CCDC88C: variants seen among roughly 807,000 people sequenced by gnomAD.
CCDC88C encodes the protein protein Daple.
CCDC88C carries 131 observed loss-of-function variants against 198.8 expected under a neutral mutation model. The ratio of observed to expected loss-of-function variants is 0.66; its 90% CI spans 0.57 to 0.76. The LOEUF is 0.76. CCDC88C is among the 30% of genes least tolerant of loss of function. The pLI, the probability that CCDC88C is intolerant of heterozygous loss-of-function variation, is 0.00. For synonymous variants in CCDC88C, 1,166 were observed against 1,114.7 expected (o/e 1.05, Z -0.92); for missense variants, 2,553 against 2,631.6 (o/e 0.97, Z 0.65).
intron 6 of CCDC88C, among the ~76,000 whole-genome samples, chr14:91,340,863 G>A (rs1325706080): frequency 6.6e-6 from 1 of 152,052 alleles, no homozygotes; most frequent in Non-Finnish European, 1.5e-5. Context: ...TTAGCCGGGC[G>A]AGGTGGCATG....
chr14:91,326,821 T>C (rs1892603606), intron 10 of CCDC88C, among the ~76,000 whole-genome samples: 2 of 152,226 alleles, frequency 1.3e-5, no homozygotes, highest in South Asian at 4.1e-4. Flanking sequence ...TCTGAGTATC[T>C]TACAAACACT....
intron 10 of CCDC88C, among the ~76,000 whole-genome samples, chr14:91,330,883 G>A (rs1007544497): frequency 1.3e-5 from 2 of 152,120 alleles, no homozygotes; most frequent in Non-Finnish European, 2.9e-5. Flanking sequence ...CGGCAGGGCA[G>A]GTGAGCCATC....
intron 20 of CCDC88C, among the ~76,000 whole-genome samples, chr14:91,303,198 C>T (rs1356866276): frequency 2.0e-5 from 3 of 151,902 alleles, no homozygotes; most frequent in Admixed American, 6.6e-5. Flanking sequence ...CCCAGGGGCC[C>T]CACCTCCACC....
At chr14:91,289,377 C>T in intron 24 of CCDC88C, 34 bp from the exon 25 acceptor site, 3 of 1,575,488 alleles carry the variant, frequency 1.9e-6, no homozygotes, top group Non-Finnish European at 1.7e-6. Context: ...ACATAGCCAG[C>T]CCTCCCACAC....
chr14:91,273,780 C>T lies in CCDC88C; in HGVS notation c.5059-127G>A, dbSNP rs543258629. 10 of 748,586 alleles carry T rather than the reference C, an allele frequency of 1.3e-5. No homozygotes were observed. Among genetic ancestry groups the T allele is most frequent in the South Asian group, 9.6e-5 (2 of 20,874 alleles). The allele number at this position is 748,586 out of a possible 1,614,324, so 46.4% of individuals were successfully genotyped here. On this transcript the variant is annotated intron_variant, in intron 29 of 29. Transcript: ENST00000389857. The surrounding 1 kb of genome is among the most constrained non-coding windows in gnomAD (Gnocchi z 5.6). ...GACCGCAGTTCCTGCCTGCCTTCTC[C>T]GAGGCACATGTGCCGCCTCCACCAC... is the stretch of plus-strand genomic sequence containing the variant.
In CCDC88C at chr14:91,414,737, T is replaced by C. The variant is rs535397903; in HGVS notation, c.161+2001A>G. On this transcript the variant is annotated intron_variant, in intron 2 of 29. Transcript: ENST00000389857. ...CCATTCCTCTGTGCCCAACTCATCC[T>C]GAGGGACCCAGAAGCACTTCTTGAA... is the stretch of plus-strand genomic sequence containing the variant. 2.6e-5 allele frequency among the ~76,000 whole-genome samples: 4 copies of C among 152,322 alleles called. No homozygotes were observed. The South Asian group carries it at 8.3e-4, about 32-fold the overall frequency.
chr14:91,298,930 A>T (rs900460787), intron 21 of CCDC88C, among the ~76,000 whole-genome samples: 1 of 152,252 alleles, frequency 6.6e-6, no homozygotes, highest in Admixed American at 6.5e-5. Context: ...GGAACAAGTT[A>T]TTTAATCTCT....
rs370099935 is a variant in CCDC88C at position 91,303,720 on chromosome 14, G to A, written c.3616C>T (p.His1206Tyr). The A allele has an allele frequency of 1.3e-6, 2 of 1,598,092 alleles. No individual in the cohort carries two copies. Among genetic ancestry groups the A allele is most frequent in the Non-Finnish European group, 8.5e-7 (1 of 1,170,814 alleles). ...CCCTACCTCTCCCCGAGCTCCTTGT[G>A]CTCCAGCTCCAGATTCCGATGCAGT... The part of the protein sequence containing the change: ...KTLHRNLELE[H>Y]KELGERHGDM... The change falls in exon 20 of 30, where the codon CAC (histidine) becomes TAC (tyrosine). Residue 1206 changes from histidine (H) to tyrosine (Y), a missense_variant. Transcript: ENST00000389857.
At chr14:91,344,303 G>A (rs1313839048) in intron 4 of CCDC88C, among the ~76,000 whole-genome samples, 1 of 152,022 alleles carries the variant, frequency 6.6e-6, no homozygotes, top group Non-Finnish European at 1.5e-5. Context: ...CTGAGTCAAC[G>A]CTAAAATAAG....
chr14:91,311,189 G>A (rs1184369147), intron 15 of CCDC88C, among the ~76,000 whole-genome samples: 2 of 152,230 alleles, frequency 1.3e-5, no homozygotes, highest in Non-Finnish European at 2.9e-5. Context: ...CAAGAAGTAA[G>A]CCTTGGCTGT....
At chr14:91,323,049 G>C (rs573559241) in intron 12 of CCDC88C, among the ~76,000 whole-genome samples, 1 of 152,016 alleles carries the variant, frequency 6.6e-6, no homozygotes, top group Non-Finnish European at 1.5e-5. Flanking sequence ...GGGATTACAG[G>C]TGTGCACCAC....
At chr14:91,366,201 C>G (rs1567101311) in intron 3 of CCDC88C, among the ~76,000 whole-genome samples, 2 of 142,956 alleles carry the variant, frequency 1.4e-5, no homozygotes, top group African/African-American at 5.3e-5. Flanking sequence ...CACACACACA[C>G]AGGGCTGGGC....
intron 12 of CCDC88C, among the ~76,000 whole-genome samples, chr14:91,323,760 C>T (rs1892454780): frequency 6.6e-6 from 1 of 152,244 alleles, no homozygotes; most frequent in South Asian, 2.1e-4. Context: ...CTCTCTGCTC[C>T]ACCAGGGGGC....
At chr14:91,376,968 C>A (rs1398656959) in intron 3 of CCDC88C, among the ~76,000 whole-genome samples, 1 of 152,224 alleles carries the variant, frequency 6.6e-6, no homozygotes, top group African/African-American at 2.4e-5. Flanking sequence ...CACTCCACAC[C>A]CACCCGAGCA....
chr14:91,347,077 C>A (rs1284439594), intron 4 of CCDC88C, among the ~76,000 whole-genome samples: 1 of 152,056 alleles, frequency 6.6e-6, no homozygotes, highest in Admixed American at 6.6e-5. Flanking sequence ...GAGGCACAGA[C>A]CCTTCCCAGC....
intron 3 of CCDC88C, among the ~76,000 whole-genome samples, chr14:91,362,196 T>C (rs1894336757): frequency 6.7e-6 from 1 of 149,130 alleles, no homozygotes; most frequent in Non-Finnish European, 1.5e-5. Context: ...ATCGCACCAC[T>C]GCACTCCAGC....
chr14:91,293,523 C>CCAT (rs1567055706), intron 23 of CCDC88C, among the ~76,000 whole-genome samples: 1,495 of 120,298 alleles, frequency 0.012, 297 homozygotes, highest in South Asian at 0.017. Context: ...CCTTCCTGTC[C>CCAT]CCTCACCTGC....
At chr14:91,274,914 C>T (rs1421670997) in intron 29 of CCDC88C, among the ~76,000 whole-genome samples, 1 of 152,220 alleles carries the variant, frequency 6.6e-6, no homozygotes. Context: ...CTGCTTTCCA[C>T]TCCACCAGGC....
At position 91,273,353 on chromosome 14, in the gene CCDC88C, C is replaced by T. The variant is rs762708977; in HGVS notation, c.5359G>A (p.Val1787Met). Residue 1787 changes from valine (V) to methionine (M), a missense_variant, in exon 30 of 30, where the codon GTG (valine) becomes ATG (methionine). Val to Met is a conservative substitution (Grantham distance 21). Transcript: ENST00000389857. The surrounding 1 kb of genome is among the most constrained non-coding windows in gnomAD (Gnocchi z 5.6). Reference sequence around the variant, plus strand: ...GCAGGTGCATGGGAAGCTGGGGGCACCGGAGCCTGCCGGGGTCTGCCCAGA... The same window carrying T: ...GCAGGTGCATGGGAAGCTGGGGGCATCGGAGCCTGCCGGGGTCTGCCCAGA... ...LSLGRPRQAP[V>M]PPASHAPASR... The T allele has an allele frequency of 5.4e-5, 83 of 1,533,052 alleles. No homozygotes were observed. Among genetic ancestry groups the T allele is most frequent in the Non-Finnish European group, 7.2e-5 (82 of 1,137,894 alleles). The allele number at this position is 1,533,052 out of a possible 1,614,324, so 95.0% of individuals were successfully genotyped here. A position where few individuals can be genotyped will look rare whatever the true frequency, so the allele number is the denominator to read the frequency against.
Sources: gnomAD v4.1 joint callset for allele counts (sites outside exome capture counted in the v4.1 genomes callset) on GRCh38, gnomAD v4.1.1 for gene constraint, Gnocchi (gnomAD v3.1) non-coding constraint, MANE v1.5 for transcripts, NCBI Gene and HGNC (gene_info 2026-07-23, HGNC 2026-07-21) for gene names.